The following IL34 variants were observed in gnomAD, a reference collection of about 807,000 sequenced individuals.
IL34 encodes the protein interleukin-34.
A neutral mutation model predicts 25.3 loss-of-function variants in IL34; 17 were observed. The ratio of observed to expected loss-of-function variants is 0.67; its 90% CI spans 0.46 to 1.01. The LOEUF is 1.01. Ranked by LOEUF, IL34 falls within the 50% of genes least tolerant of loss-of-function variation. IL34 has a pLI of 0.00. For synonymous variants in IL34, 174 were observed against 140.9 expected, an observed-to-expected ratio of 1.23 and a Z score of -1.66; for missense variants, 368 against 312.9, an observed-to-expected ratio of 1.18 and a Z score of -1.33.
At chr16:70,657,208 G>A (rs2052254051) in intron 4 of IL34, 87 bp downstream of exon 4, 5 of 1,396,284 alleles carry the variant, frequency 3.6e-6, no homozygotes, top group African/African-American at 2.9e-5. Flanking sequence ...AGGCTAGTGA[G>A]GGAAAGGGTG....
chr16:70,635,922 G>A (rs187421861), intron 1 of IL34, among the ~76,000 whole-genome samples: 1 of 151,976 alleles, frequency 6.6e-6, no homozygotes, highest in East Asian at 1.9e-4. Flanking sequence ...CTCATATCAA[G>A]CCCATTTTAC....
intron 1 of IL34, among the ~76,000 whole-genome samples, chr16:70,612,593 C>A (rs1357656499): frequency 6.6e-6 from 1 of 152,220 alleles, no homozygotes; most frequent in Non-Finnish European, 1.5e-5. Flanking sequence ...CTCCCAGAAG[C>A]AATGCATCCT....
At chr16:70,654,792 G>C in intron 2 of IL34, 121 bp downstream of exon 2, 2 of 1,280,586 alleles carry the variant, frequency 1.6e-6, no homozygotes, top group South Asian at 1.7e-5. Flanking sequence ...ACCATGGCCT[G>C]TTTCTCTGCC....
chr16:70,639,822 G>GT (rs2051739895), intron 1 of IL34, among the ~76,000 whole-genome samples: 1 of 152,104 alleles, frequency 6.6e-6, no homozygotes. Context: ...GCCAGGTGTG[G>GT]TGGTGCATGC....
At chr16:70,603,788 C>T (rs567493641) in intron 1 of IL34, among the ~76,000 whole-genome samples, 146 of 152,002 alleles carry the variant, frequency 9.6e-4, no homozygotes, top group Non-Finnish European at 1.1e-3. Context: ...CATCATGTTG[C>T]CCAGGCTGGT....
chr16:70,616,745 A>C (rs1017778373), intron 1 of IL34, among the ~76,000 whole-genome samples: 2 of 152,194 alleles, frequency 1.3e-5, no homozygotes, highest in African/African-American at 4.8e-5. Context: ...GGGAGATTAC[A>C]AAGTACATTG....
intron 1 of IL34, among the ~76,000 whole-genome samples, chr16:70,596,130 CCCTTGT>C (rs1462778380): frequency 6.6e-6 from 1 of 152,074 alleles, no homozygotes; most frequent in Non-Finnish European, 1.5e-5. Context: ...CTGGTGTGGG[CCCTTGT>C]CCTAGGCGGC....
In IL34 at chr16:70,586,192, G is replaced by A. The variant is rs185357074; in HGVS notation, c.-401+6143G>A. 6.6e-5 allele frequency among the ~76,000 whole-genome samples: 10 copies of A among 152,204 alleles called. No homozygotes were observed. In the East Asian group the frequency reaches 1.9e-3, roughly 29 times the overall value. On this transcript the variant is annotated intron_variant, in intron 1 of 6. Transcript: ENST00000429149. The stretch of plus-strand genomic sequence containing the variant: ...ATTGTATGTATATACACCATATTTT[G>A]TTTATCTATTTACCTGTCAACAGAT...
rs1158782092 is a variant in IL34, at chr16:70,581,917, T to TACAAAAACAAAAA, written c.-401+1882_-401+1894dup. Among the ~76,000 whole-genome samples, 4 of 143,678 alleles carry TACAAAAACAAAAA rather than the reference T, an allele frequency of 2.8e-5. No homozygotes were observed. In the Admixed American group the frequency reaches 2.8e-4, roughly 10 times the overall value. 94.3% of individuals were successfully genotyped at this position (143,678 alleles called of 152,430 possible). On this transcript the variant is annotated intron_variant, in intron 1 of 6. Transcript: ENST00000429149. ...GGGAAACATGGTGAAACCCTGTCTC[T>TACAAAAACAAAAA]ACAAAAACAAAAAACAAAAACAAAA...
At position 70,660,232 on chromosome 16, in the gene IL34, C is replaced by T. The variant is rs537802994; in HGVS notation, c.*45C>T. Reference sequence around the variant, plus strand: ...CGGATAGGGGCAGCCAGACCAGCTCCCACAGGAGTTCAACTGGGTCTGAGA... The same window carrying T: ...CGGATAGGGGCAGCCAGACCAGCTCTCACAGGAGTTCAACTGGGTCTGAGA... On this transcript the variant is annotated 3_prime_UTR_variant, in exon 6 of 6. Coordinates refer to ENST00000288098, the MANE Select transcript of IL34 (RefSeq NM_001393494.1). 4.0e-6 allele frequency: 6 copies of T among 1,494,806 alleles called. No homozygotes were observed. The South Asian group carries it at 6.7e-5, about 17-fold the overall frequency. 92.6% of individuals were successfully genotyped at this position (1,494,806 alleles called of 1,614,324 possible).
upstream of IL34, among the ~76,000 whole-genome samples, chr16:70,642,245 A>G (rs888634239): frequency 8.7e-5 from 13 of 149,822 alleles, no homozygotes; most frequent in African/African-American, 3.2e-4. Context: ...AGAGACAGAG[A>G]GAGAGAGAGA....
intron 1 of IL34, among the ~76,000 whole-genome samples, chr16:70,630,220 C>G (rs1360119148): frequency 6.6e-6 from 1 of 151,982 alleles, no homozygotes; most frequent in Admixed American, 6.6e-5. Flanking sequence ...TGTATATGTT[C>G]TACATTTTCT....
At chr16:70,627,778 T>G in intron 1 of IL34, among the ~76,000 whole-genome samples, 1 of 152,188 alleles carries the variant, frequency 6.6e-6, no homozygotes, top group African/African-American at 2.4e-5. Flanking sequence ...CCTTATTTCT[T>G]GTCACAGATT....
At chr16:70,611,111 C>A in intron 1 of IL34, among the ~76,000 whole-genome samples, 1 of 152,052 alleles carries the variant, frequency 6.6e-6, no homozygotes, top group East Asian at 1.9e-4. Flanking sequence ...CCTGAGTAGC[C>A]GAGACTACAG....
chr16:70,611,103 TGAGTAGCC>T (rs1228581059), intron 1 of IL34, among the ~76,000 whole-genome samples: 1 of 152,180 alleles, frequency 6.6e-6, no homozygotes, highest in African/African-American at 2.4e-5. Context: ...CTCAGCCTCC[TGAGTAGCC>T]GAGACTACAG....
intron 1 of IL34, among the ~76,000 whole-genome samples, chr16:70,595,799 G>A (rs1443988803): frequency 6.6e-6 from 1 of 151,834 alleles, no homozygotes; most frequent in Non-Finnish European, 1.5e-5. Flanking sequence ...ATTACTTGAG[G>A]TCAAGAGTTC....
At chr16:70,644,368 A>G (rs942920218), upstream of IL34, among the ~76,000 whole-genome samples, 4 of 152,098 alleles carry the variant, frequency 2.6e-5, no homozygotes, top group Non-Finnish European at 5.9e-5. Flanking sequence ...ACCCAGCCAG[A>G]TTGACAATTT....
chr16:70,648,135 G>A (rs180883688), intron 1 of IL34, among the ~76,000 whole-genome samples: 41 of 152,314 alleles, frequency 2.7e-4, no homozygotes, highest in African/African-American at 8.2e-4. Flanking sequence ...AGAGCCCGGC[G>A]GGGGTGGAAT....
intron 3 of IL34, 72 bp from the exon 4 acceptor site, chr16:70,656,888 C>T: frequency 6.6e-7 from 1 of 1,510,072 alleles, no homozygotes. Flanking sequence ...AGGGGCAAGT[C>T]CCTGGTGAGG....
Sources: allele counts gnomAD v4.1 joint callset (sites outside exome capture counted in the v4.1 genomes callset), GRCh38; gene constraint gnomAD v4.1.1; transcripts MANE v1.5; gene names NCBI Gene and HGNC (gene_info 2026-07-23, HGNC 2026-07-21).